Variants in SLC38A9 observed in about 807,000 individuals in gnomAD.
SLC38A9 encodes solute carrier family 38 member 9.
SLC38A9 carries 48 observed loss-of-function variants against 62.3 expected under a neutral mutation model. The ratio of observed to expected loss-of-function variants is 0.77; its 90% CI spans 0.61 to 0.98. The LOEUF is 0.98. SLC38A9 is among the 50% of genes least tolerant of loss of function. SLC38A9 has a pLI of 0.00. For missense variants in SLC38A9, 541 were observed against 679.8 expected (o/e 0.80, Z 2.27); for synonymous variants, 204 against 227.7 (o/e 0.90, Z 0.94).
At chr5:55,673,394 TC>T (rs1478221289) in intron 3 of SLC38A9, 1 of 152,214 alleles carries the variant, frequency 6.6e-6, no homozygotes, top group African/African-American at 2.4e-5. Context: ...GTCATCAACC[TC>T]TTCAGTTCCT....
chr5:55,673,660 A>C (rs1751672347), intron 3 of SLC38A9, among the ~76,000 whole-genome samples: 1 of 152,182 alleles, frequency 6.6e-6, no homozygotes, highest in East Asian at 1.9e-4. Flanking sequence ...AAGGAACTTA[A>C]AATGTAGTAA....
intron 3 of SLC38A9, among the ~76,000 whole-genome samples, chr5:55,686,955 A>G (rs541706685): frequency 6.6e-6 from 1 of 151,326 alleles, no homozygotes; most frequent in South Asian, 2.1e-4. Flanking sequence ...TGGGTTCTCT[A>G]TCCTGTTCCA....
chr5:55,701,623 A>T (rs1396262115), intron 2 of SLC38A9, among the ~76,000 whole-genome samples: 3 of 152,220 alleles, frequency 2.0e-5, no homozygotes, highest in Admixed American at 2.0e-4. Context: ...GAATTGTAGA[A>T]AAGGGTAATA....
chr5:55,641,873 CA>C (rs2150107941), intron 12 of SLC38A9, among the ~76,000 whole-genome samples: 1 of 152,330 alleles, frequency 6.6e-6, no homozygotes, highest in East Asian at 1.9e-4. Flanking sequence ...TACTACTTTA[CA>C]AGTACTAATA....
At chr5:55,687,267 A>G (rs932846029) in intron 3 of SLC38A9, among the ~76,000 whole-genome samples, 1 of 150,620 alleles carries the variant, frequency 6.6e-6, no homozygotes, top group African/African-American at 2.4e-5. Context: ...CTCTACTAAA[A>G]ATACAAAAAA....
intron 14 of SLC38A9, among the ~76,000 whole-genome samples, chr5:55,630,497 T>C (rs1325658743): frequency 6.6e-6 from 1 of 152,198 alleles, no homozygotes; most frequent in South Asian, 2.1e-4. Flanking sequence ...TCTGTATTTT[T>C]AGTAGAGATG....
At chr5:55,706,766 T>C (rs558333498) in intron 2 of SLC38A9, among the ~76,000 whole-genome samples, 6 of 152,184 alleles carry the variant, frequency 3.9e-5, no homozygotes, top group Non-Finnish European at 7.3e-5. Context: ...TAGCATGATG[T>C]TAAATTTTCA....
At chr5:55,652,239 T>C (rs1353547080) in intron 10 of SLC38A9, among the ~76,000 whole-genome samples, 6 of 150,062 alleles carry the variant, frequency 4.0e-5, no homozygotes, top group African/African-American at 1.5e-4. Context: ...ATACCTGTAA[T>C]CCCAGCTACT....
chr5:55,638,171 G>A (rs1032179837), intron 12 of SLC38A9, among the ~76,000 whole-genome samples: 2 of 152,072 alleles, frequency 1.3e-5, no homozygotes, highest in African/African-American at 4.8e-5. Context: ...CAGAAATTAT[G>A]CTTTTATTAT....
chr5:55,669,709 T>A, intron 5 of SLC38A9, 49 bp downstream of exon 5: 1 of 1,587,904 alleles, frequency 6.3e-7, no homozygotes, highest in East Asian at 2.3e-5. Context: ...ACCAGTAATT[T>A]TCATCCATAT....
At chr5:55,658,106 G>A (rs1003141454) in intron 8 of SLC38A9, 1 of 152,196 alleles carries the variant, frequency 6.6e-6, no homozygotes, top group African/African-American at 2.4e-5. Context: ...ATCAAGTTAA[G>A]ATGAGGTCAT....
At chr5:55,676,294 G>GCCTCAT (rs1752070187) in intron 3 of SLC38A9, among the ~76,000 whole-genome samples, 1 of 151,992 alleles carries the variant, frequency 6.6e-6, no homozygotes, top group African/African-American at 2.4e-5. Flanking sequence ...CTCAGTCTCA[G>GCCTCAT]CCTCCCAAGT....
intron 2 of SLC38A9, among the ~76,000 whole-genome samples, chr5:55,701,959 A>G (rs545424167): frequency 1.3e-5 from 2 of 152,284 alleles, no homozygotes; most frequent in South Asian, 4.1e-4. Context: ...AGTCCCTTGT[A>G]TCTTTCACTT....
intron 4 of SLC38A9, among the ~76,000 whole-genome samples, chr5:55,671,627 G>T (rs1751347620): frequency 1.3e-5 from 2 of 151,796 alleles, no homozygotes; most frequent in African/African-American, 4.8e-5. Flanking sequence ...GGGTGGGTGG[G>T]TCACGAGGTC....
chr5:55,639,140 G>A (rs1342502806), intron 12 of SLC38A9, among the ~76,000 whole-genome samples: 1 of 152,098 alleles, frequency 6.6e-6, no homozygotes, highest in African/African-American at 2.4e-5. Flanking sequence ...AGACGTGGTG[G>A]TACATGCCTG....
At chr5:55,687,683 ATTTTT>A (rs1057162616) in intron 3 of SLC38A9, among the ~76,000 whole-genome samples, 1 of 151,670 alleles carries the variant, frequency 6.6e-6, no homozygotes. Context: ...CTAGTATTTT[ATTTTT>A]TTATTATGTA....
chr5:55,652,731 A>G lies in SLC38A9; in HGVS notation c.758-8T>C. 1 of 1,601,118 alleles carries G rather than the reference A, an allele frequency of 6.2e-7. No individual in the cohort carries two copies. The highest frequency in any genetic ancestry group is 1.1e-5 in the South Asian group (1 of 89,578). ...CGGCACTTGGACAAATCACTGCAAT[A>G]GGAAAGCACCAGATTAAAGAAGATG... On this transcript the variant is annotated splice_region_variant and splice_polypyrimidine_tract_variant and intron_variant, in intron 9 of 15. Coordinates refer to ENST00000396865, the MANE Select transcript of SLC38A9 (RefSeq NM_173514.4).
chr5:55,634,127 A>G, intron 13 of SLC38A9: 1 of 370,774 alleles, frequency 2.7e-6, no homozygotes, highest in African/African-American at 2.1e-5. Context: ...CCACAATTTT[A>G]TTCTATTTTA....
intron 12 of SLC38A9, among the ~76,000 whole-genome samples, chr5:55,642,969 G>T (rs550328979): frequency 7.1e-4 from 108 of 152,266 alleles, no homozygotes; most frequent in South Asian, 1.7e-3. Flanking sequence ...AGAATCTCCA[G>T]GCACAGCAAA....
Sources: allele counts gnomAD v4.1 joint callset (sites outside exome capture counted in the v4.1 genomes callset), GRCh38; gene constraint gnomAD v4.1.1; transcripts MANE v1.5; gene names NCBI Gene and HGNC (gene_info 2026-07-23, HGNC 2026-07-21).